The following IQGAP2 variants were observed in gnomAD, a reference collection of about 807,000 sequenced individuals.
IQGAP2 encodes the protein ras GTPase-activating-like protein IQGAP2.
Under a neutral mutation model 201.3 loss-of-function variants are expected in IQGAP2, and 173 were observed. The ratio of observed to expected loss-of-function variants is 0.86; its 90% CI spans 0.76 to 0.98. The LOEUF (loss-of-function observed/expected upper bound fraction) is 0.98. IQGAP2 is among the 50% of genes least tolerant of loss of function. The pLI is 0.00. For synonymous variants in IQGAP2, 675 were observed against 673.9 expected, an observed-to-expected ratio of 1.00 and a Z score of -0.03; for missense variants, 1,687 against 1,864.8, an observed-to-expected ratio of 0.90 and a Z score of 1.76.
chr5:76,620,802 C>A (rs1305825753), intron 13 of IQGAP2, among the ~76,000 whole-genome samples: 2 of 152,026 alleles, frequency 1.3e-5, no homozygotes, highest in African/African-American at 2.4e-5. Flanking sequence ...GTATGAGGAC[C>A]TAAGAAGTTG....
chr5:76,421,280 A>G (rs535773327), intron 1 of IQGAP2, among the ~76,000 whole-genome samples: 5 of 152,216 alleles, frequency 3.3e-5, no homozygotes, highest in South Asian at 4.2e-4. Flanking sequence ...GTGTAAATTC[A>G]TCTTTTCTTC....
chr5:76,434,567 G>C (rs1752551617), intron 1 of IQGAP2, among the ~76,000 whole-genome samples: 1 of 152,014 alleles, frequency 6.6e-6, no homozygotes, highest in Non-Finnish European at 1.5e-5. Context: ...AGTATATATA[G>C]TCCATATTTT....
intron 21 of IQGAP2, 143 bp downstream of exon 21, chr5:76,658,810 AC>A (rs1471703405): frequency 5.7e-5 from 43 of 757,516 alleles, no homozygotes; most frequent in Non-Finnish European, 8.9e-5. Context: ...TAGAGCACTT[AC>A]CTAAACATAG....
chr5:76,580,205 G>A (rs923591334), intron 5 of IQGAP2, among the ~76,000 whole-genome samples: 1 of 151,762 alleles, frequency 6.6e-6, no homozygotes, highest in African/African-American at 2.4e-5. Flanking sequence ...GAACCTGGGA[G>A]GCGGAGGTTG....
At chr5:76,527,764 A>C (rs914148879) in intron 2 of IQGAP2, among the ~76,000 whole-genome samples, 1 of 152,166 alleles carries the variant, frequency 6.6e-6, no homozygotes, top group Non-Finnish European at 1.5e-5. Flanking sequence ...AAGGGAAGAA[A>C]TGTCTTATCT....
At chr5:76,621,900 C>T (rs1749715381) in intron 13 of IQGAP2, among the ~76,000 whole-genome samples, 1 of 152,178 alleles carries the variant, frequency 6.6e-6, no homozygotes, top group South Asian at 2.1e-4. Context: ...ACTCCGGCCT[C>T]TCAGGGGTGT....
At chr5:76,668,550 T>A in intron 22 of IQGAP2, 131 bp from the exon 23 acceptor site, 1 of 670,156 alleles carries the variant, frequency 1.5e-6, no homozygotes, top group Non-Finnish European at 2.5e-6. Flanking sequence ...TTTTATATAC[T>A]CATCTATATG....
chr5:76,597,600 A>G lies in IQGAP2; in HGVS notation c.1069A>G (p.Met357Val), dbSNP rs757619093. Residue 357 changes from methionine (M) to valine (V), a missense_variant and splice_region_variant, in exon 10 of 36, where the codon ATG becomes GTG. Transcript: ENST00000274364. ...TTTCAACCTCCAGAAACAGAACACC[A>G]TGGTAAGTCAGAGGAGACCCCAGCT... ...ELFNLQKQNT[M>V]NYLAHEELLI... 96 of 1,613,720 alleles carry G rather than the reference A, an allele frequency of 5.9e-5. No homozygotes were observed. In the Admixed American group the frequency reaches 1.3e-3, roughly 22 times the overall value.
chr5:76,519,633 C>G (rs1758545077), intron 2 of IQGAP2, among the ~76,000 whole-genome samples: 1 of 152,164 alleles, frequency 6.6e-6, no homozygotes, highest in Non-Finnish European at 1.5e-5. Context: ...ATGGCCGTGC[C>G]ATTTTGCATT....
intron 32 of IQGAP2, among the ~76,000 whole-genome samples, chr5:76,696,418 G>T (rs1580845356): frequency 2.6e-5 from 4 of 152,308 alleles, no homozygotes; most frequent in Admixed American, 2.6e-4. Context: ...GAAACTTCCT[G>T]AGCAAAGGAT....
intron 30 of IQGAP2, 133 bp from the exon 31 acceptor site, chr5:76,693,222 A>C: frequency 3.4e-6 from 2 of 590,876 alleles, no homozygotes; most frequent in Non-Finnish European, 6.0e-6. Context: ...AATATCCGCA[A>C]GAATGTTTTA....
chr5:76,707,283 C>G lies in IQGAP2; in HGVS notation c.4698C>G (p.Tyr1566Ter). 6.4e-7 allele frequency: 1 copy of G among 1,560,704 alleles called. No individual in the cohort carries two copies. Among genetic ancestry groups the G allele is most frequent in the Non-Finnish European group, 8.8e-7 (1 of 1,131,644 alleles). The change falls in exon 36 of 36, where the codon TAC becomes TAG. Residue 1566 changes from tyrosine (Y) to a stop codon, truncating the protein, a stop_gained. Transcript: ENST00000274364. LOFTEE classifies it high-confidence loss of function. ...AAGTGAATGTAAACCTTCTCATATA[C>G]CTGCTGAACAAGAAGTTCTATGGAA... ...KVKVNVNLLI[Y>*]LLNKKFYGK
At chr5:76,586,159 T>C (rs1184235310) in intron 5 of IQGAP2, among the ~76,000 whole-genome samples, 4 of 152,162 alleles carry the variant, frequency 2.6e-5, no homozygotes, top group African/African-American at 9.7e-5. Flanking sequence ...TTTATATCCA[T>C]GATAATGTCT....
intron 23 of IQGAP2, among the ~76,000 whole-genome samples, chr5:76,671,091 A>C (rs370107563): frequency 6.6e-6 from 1 of 151,098 alleles, no homozygotes; most frequent in East Asian, 2.0e-4. Flanking sequence ...GTGAAACTCT[A>C]TCTCTCTGAA....
chr5:76,503,505 A>C (rs1264164118), intron 2 of IQGAP2, among the ~76,000 whole-genome samples: 1 of 151,364 alleles, frequency 6.6e-6, no homozygotes. Context: ...ATTTATTTTT[A>C]TTGTGGTATA....
chr5:76,463,984 A>G lies in IQGAP2; in HGVS notation c.146+2315A>G, dbSNP rs190554530. The stretch of plus-strand genomic sequence containing the variant: ...TGCCTCAGCCTCCCAAGCAGCTGAG[A>G]TTACAGGCGCTCACCACTACACCTG... On this transcript the variant is annotated intron_variant, in intron 2 of 35. Transcript: ENST00000274364. Among the ~76,000 whole-genome samples the G allele has an allele frequency of 7.0e-3, 1,070 of 151,970 alleles. 9 individuals are homozygous for G. The highest frequency in any genetic ancestry group is 0.012 in the Non-Finnish European group (787 of 67,956).
At chr5:76,491,288 A>G (rs563801568) in intron 2 of IQGAP2, among the ~76,000 whole-genome samples, 29 of 152,148 alleles carry the variant, frequency 1.9e-4, no homozygotes, top group Non-Finnish European at 3.8e-4. Context: ...AGTAGATGGA[A>G]TACAGTGGAA....
At chr5:76,690,105 C>T (rs1016442158) in intron 30 of IQGAP2, among the ~76,000 whole-genome samples, 14 of 152,168 alleles carry the variant, frequency 9.2e-5, no homozygotes, top group Admixed American at 1.3e-4. Flanking sequence ...ACCTATCTTA[C>T]ATATTTGAAG....
In IQGAP2 at chr5:76,701,132, G is replaced by A; in HGVS notation, c.4424G>A (p.Arg1475Lys). 6.2e-7 allele frequency: 1 copy of A among 1,614,192 alleles called. No homozygotes were observed. The highest frequency in any genetic ancestry group is 8.5e-7 in the Non-Finnish European group (1 of 1,179,984). The change falls in exon 34 of 36, where the codon AGA becomes AAA. Residue 1475 changes from arginine to lysine, a missense_variant. Physicochemically the swap from Arg to Lys is conservative, Grantham distance 26. Coordinates refer to ENST00000274364, the MANE Select transcript of IQGAP2 (RefSeq NM_006633.5). ...AAAGGAGAACCCAAAGGGGCGAAGA[G>A]AGCGAAGCCAGTGAAGTACACTGCA... ...DGKGEPKGAK[R>K]AKPVKYTAAK...
Sources: allele counts gnomAD v4.1 joint callset (sites outside exome capture counted in the v4.1 genomes callset), GRCh38; gene constraint gnomAD v4.1.1; transcripts MANE v1.5; gene names NCBI Gene and HGNC (gene_info 2026-07-23, HGNC 2026-07-21).